The following SENP7 variants were observed in gnomAD, a reference collection of about 807,000 sequenced individuals.
SENP7 encodes SUMO specific peptidase 7.
Under a neutral mutation model 141.2 loss-of-function variants are expected in SENP7, and 64 were observed. That is an observed-to-expected ratio of 0.45 (90% CI 0.37 to 0.56). SENP7 has a LOEUF of 0.56. Among genes scored for constraint, SENP7 ranks in the 20% least tolerant of loss-of-function variants. SENP7 has a pLI of 0.00. For missense variants in SENP7, 1,025 were observed against 1,212.2 expected (o/e 0.85, Z 2.29); for synonymous variants, 382 against 426.4 (o/e 0.90, Z 1.28).
intron 6 of SENP7, among the ~76,000 whole-genome samples, chr3:101,387,640 C>T (rs2060695685): frequency 6.6e-6 from 1 of 152,220 alleles, no homozygotes; most frequent in Non-Finnish European, 1.5e-5. Flanking sequence ...AAATGACACA[C>T]CCAGGTTGCC....
intron 12 of SENP7, among the ~76,000 whole-genome samples, chr3:101,350,946 T>C (rs13078607): frequency 0.012 from 1,872 of 152,166 alleles, 51 homozygotes; most frequent in South Asian, 0.11. Flanking sequence ...ATAAAGTATC[T>C]GTGGAATCCA....
chr3:101,444,008 T>C (rs530989155), intron 4 of SENP7, among the ~76,000 whole-genome samples: 1 of 147,884 alleles, frequency 6.8e-6, no homozygotes, highest in East Asian at 2.0e-4. Context: ...AAAGGGCTAA[T>C]ATCCAGAATC....
At chr3:101,489,026 A>T (rs983592753) in intron 3 of SENP7, among the ~76,000 whole-genome samples, 2 of 152,164 alleles carry the variant, frequency 1.3e-5, no homozygotes. Context: ...TAAAGAAAAG[A>T]TATTACAACT....
intron 4 of SENP7, among the ~76,000 whole-genome samples, chr3:101,458,250 C>G (rs188618662): frequency 6.6e-6 from 1 of 152,210 alleles, no homozygotes; most frequent in Non-Finnish European, 1.5e-5. Flanking sequence ...TATAGAAGTA[C>G]TTTGACATAA....
intron 11 of SENP7, among the ~76,000 whole-genome samples, chr3:101,356,827 C>T (rs2059755288): frequency 6.6e-6 from 1 of 151,972 alleles, no homozygotes; most frequent in South Asian, 2.1e-4. Flanking sequence ...TGAGGGTTTT[C>T]CTCTAGTACA....
At chr3:101,502,003 T>C (rs1023015344) in intron 1 of SENP7, among the ~76,000 whole-genome samples, 4 of 152,174 alleles carry the variant, frequency 2.6e-5, no homozygotes, top group African/African-American at 9.7e-5. Flanking sequence ...TAGATTGAAA[T>C]GTCAAAGATA....
At chr3:101,327,638 T>C in intron 23 of SENP7, 28 bp downstream of exon 23, 3 of 1,563,080 alleles carry the variant, frequency 1.9e-6, no homozygotes, top group Non-Finnish European at 2.6e-6. Context: ...TAACTGTGAA[T>C]TAAAAACTTA....
chr3:101,368,133 T>G (rs1183728158), intron 7 of SENP7, 122 bp from the exon 8 acceptor site: 1 of 693,030 alleles, frequency 1.4e-6, no homozygotes, highest in African/African-American at 1.8e-5. Flanking sequence ...AAAACAGAAA[T>G]GTACTGTTAA....
chr3:101,480,505 T>C (rs1240601528), intron 3 of SENP7, among the ~76,000 whole-genome samples: 2 of 152,126 alleles, frequency 1.3e-5, no homozygotes, highest in Admixed American at 6.6e-5. Context: ...TTCCTCACCA[T>C]ATACAAAAAT....
chr3:101,433,357 A>G (rs1286634632), intron 4 of SENP7, among the ~76,000 whole-genome samples: 1 of 151,706 alleles, frequency 6.6e-6, no homozygotes, highest in Non-Finnish European at 1.5e-5. Context: ...AAAAAAAACA[A>G]GAAAGAGAAG....
At chr3:101,343,335 A>G (rs1576014586) in intron 14 of SENP7, among the ~76,000 whole-genome samples, 2 of 152,280 alleles carry the variant, frequency 1.3e-5, no homozygotes, top group Admixed American at 1.3e-4. Flanking sequence ...TCATAAACAT[A>G]GTGTTCTACT....
At chr3:101,375,541 TC>T (rs56706004) in intron 6 of SENP7, among the ~76,000 whole-genome samples, 29,788 of 50,526 alleles carry the variant, frequency 0.59, 10,714 homozygotes, top group South Asian at 0.83. Flanking sequence ...AAATTCCATC[TC>T]CAAAAAAAAA....
At chr3:101,430,930 C>T (rs1000846411) in intron 4 of SENP7, among the ~76,000 whole-genome samples, 1 of 152,190 alleles carries the variant, frequency 6.6e-6, no homozygotes, top group African/African-American at 2.4e-5. Context: ...GCCTTCATTT[C>T]GTTATTTACC....
chr3:101,369,709 A>G (rs940105047), intron 7 of SENP7, among the ~76,000 whole-genome samples: 3 of 152,204 alleles, frequency 2.0e-5, no homozygotes, highest in Non-Finnish European at 1.5e-5. Flanking sequence ...GGGCTTGAGA[A>G]AAACTTGATT....
Position 101,325,816 on chromosome 3 carries a change from T to C in SENP7, c.*127A>G, listed in dbSNP as rs867448756. 3.3e-5 allele frequency: 26 copies of C among 780,998 alleles called. No individual in the cohort carries two copies. In the South Asian group the frequency reaches 4.4e-4, roughly 13 times the overall value. 48.4% of individuals were successfully genotyped at this position (780,998 alleles called of 1,614,324 possible). On this transcript the variant is annotated 3_prime_UTR_variant, in exon 24 of 24. Transcript: ENST00000394095. ...AATGTGTCCTACATATTTTAAATAA[T>C]GTTCCAATGACTTATTATAAAACTA...
intron 3 of SENP7, among the ~76,000 whole-genome samples, chr3:101,471,044 G>A (rs964026094): frequency 6.6e-6 from 1 of 152,126 alleles, no homozygotes; most frequent in Admixed American, 6.6e-5. Context: ...CATGGATAGG[G>A]AGAATCAATA....
At chr3:101,466,442 A>G (rs2063759512) in intron 3 of SENP7, among the ~76,000 whole-genome samples, 1 of 152,224 alleles carries the variant, frequency 6.6e-6, no homozygotes, top group Non-Finnish European at 1.5e-5. Flanking sequence ...TTACAGGCAT[A>G]TGATGATATA....
intron 1 of SENP7, among the ~76,000 whole-genome samples, chr3:101,506,181 T>C (rs950562860): frequency 6.6e-6 from 1 of 152,092 alleles, no homozygotes; most frequent in African/African-American, 2.4e-5. Context: ...GCACCATGCC[T>C]GGCTAATTTT....
chr3:101,406,326 T>C (rs1271837118), intron 5 of SENP7, among the ~76,000 whole-genome samples: 3 of 151,660 alleles, frequency 2.0e-5, no homozygotes, highest in Admixed American at 1.3e-4. Context: ...AGCAAACTAT[T>C]GCAAGGACAA....
Sources: gnomAD v4.1 joint callset for allele counts (sites outside exome capture counted in the v4.1 genomes callset) on GRCh38, gnomAD v4.1.1 for gene constraint, MANE v1.5 for transcripts, NCBI Gene and HGNC (gene_info 2026-07-23, HGNC 2026-07-21) for gene names.